Variants in FGF7 observed in about 807,000 individuals in gnomAD.
FGF7 encodes fibroblast growth factor 7, also known as FGF-7.
A neutral mutation model predicts 20.5 loss-of-function variants in FGF7; 6 were observed. The ratio of observed to expected loss-of-function variants is 0.29; its 90% confidence interval spans 0.16 to 0.58. The LOEUF (loss-of-function observed/expected upper bound fraction) is 0.58. Among genes scored for constraint, FGF7 ranks in the 20% least tolerant of loss-of-function variants. FGF7 has a pLI of 0.90. For missense variants in FGF7, 144 were observed against 228.8 expected (o/e 0.63, Z 2.39); for synonymous variants, 64 against 74.7 (o/e 0.86, Z 0.74).
chr15:49,456,341 G>C (rs747380243), intron 2 of FGF7, among the ~76,000 whole-genome samples: 12 of 152,192 alleles, frequency 7.9e-5, no homozygotes, highest in Middle Eastern at 3.4e-3. Context: ...AGAAATAATG[G>C]AAAGGGAAAG....
intron 2 of FGF7, among the ~76,000 whole-genome samples, chr15:49,479,907 C>T (rs1266006019): frequency 2.6e-5 from 4 of 152,174 alleles, no homozygotes; most frequent in African/African-American, 9.7e-5. Context: ...AGCCACTGCG[C>T]TCCGCCCATA....
chr15:49,467,828 T>C (rs768829787), intron 2 of FGF7, among the ~76,000 whole-genome samples: 9 of 152,120 alleles, frequency 5.9e-5, no homozygotes, highest in Non-Finnish European at 1.2e-4. Flanking sequence ...GGTGGGTCCC[T>C]TGCATTCCTG....
intron 2 of FGF7, among the ~76,000 whole-genome samples, chr15:49,440,206 T>C (rs957325525): frequency 6.6e-6 from 1 of 151,836 alleles, no homozygotes; most frequent in African/African-American, 2.4e-5. Flanking sequence ...GTAAACAATA[T>C]GCATTATTAC....
chr15:49,463,657 T>G (rs943622182), intron 2 of FGF7, among the ~76,000 whole-genome samples: 2 of 152,156 alleles, frequency 1.3e-5, no homozygotes, highest in Non-Finnish European at 2.9e-5. Flanking sequence ...TGTGTATAAG[T>G]TGCAAGCACA....
chr15:49,457,704 T>C (rs2053437575), intron 2 of FGF7, among the ~76,000 whole-genome samples: 1 of 151,888 alleles, frequency 6.6e-6, no homozygotes, highest in South Asian at 2.1e-4. Context: ...CCAATGTCTA[T>C]TACTTCAGTA....
At chr15:49,434,346 C>T (rs1007932048) in intron 2 of FGF7, 1 of 151,118 alleles carries the variant, frequency 6.6e-6, no homozygotes, top group African/African-American at 2.4e-5. Context: ...ACTAAGAATG[C>T]AATAGTAAGC....
chr15:49,430,498 G>A (rs572157433), intron 2 of FGF7, among the ~76,000 whole-genome samples: 1 of 151,924 alleles, frequency 6.6e-6, no homozygotes, highest in East Asian at 2.0e-4. Flanking sequence ...CTAGAGGGTT[G>A]GCTTAGTCTG....
intron 3 of FGF7, among the ~76,000 whole-genome samples, chr15:49,483,613 A>G (rs868843793): frequency 4.6e-5 from 7 of 152,058 alleles, no homozygotes; most frequent in Non-Finnish European, 7.4e-5. Context: ...CATTGCTGAC[A>G]TGAAAATTCT....
At chr15:49,462,698 CTCAT>C (rs2053913352) in intron 2 of FGF7, among the ~76,000 whole-genome samples, 1 of 152,160 alleles carries the variant, frequency 6.6e-6, no homozygotes. Flanking sequence ...TCCTCTTTCT[CTCAT>C]TCAATTTATT....
At position 49,451,565 on chromosome 15, in the gene FGF7, C is replaced by A. The variant is rs75805553; in HGVS notation, c.286+26982C>A. On this transcript the variant is annotated intron_variant, in intron 2 of 3. Coordinates refer to ENST00000267843, the MANE Select transcript of FGF7 (RefSeq NM_002009.4). ...TTAGTATTTATATTTTTTTCTAAAT[C>A]TTCTTAGAATTCCTCTTCAATTCAC... 1.1e-3 allele frequency among the ~76,000 whole-genome samples: 161 copies of A among 152,008 alleles called. 1 individual carries two copies. Among genetic ancestry groups the A allele is most frequent in the Admixed American group, 2.7e-3 (41 of 15,250 alleles).
At chr15:49,432,869 T>A (rs749878731) in intron 2 of FGF7, among the ~76,000 whole-genome samples, 1 of 151,644 alleles carries the variant, frequency 6.6e-6, no homozygotes, top group Non-Finnish European at 1.5e-5. Flanking sequence ...CAAGAAATGA[T>A]GCCCAACAGC....
chr15:49,447,740 G>T (rs1224470533), intron 2 of FGF7, among the ~76,000 whole-genome samples: 2 of 151,602 alleles, frequency 1.3e-5, no homozygotes, highest in African/African-American at 2.4e-5. Context: ...TTTTTATGTG[G>T]AATGACTTTG....
intron 2 of FGF7, among the ~76,000 whole-genome samples, chr15:49,475,716 G>A (rs768956962): frequency 2.0e-5 from 3 of 152,074 alleles, no homozygotes; most frequent in Non-Finnish European, 2.9e-5. Flanking sequence ...GGGCGGGCAC[G>A]GTGGCTTATA....
At chr15:49,435,712 T>C (rs2051041473) in intron 2 of FGF7, among the ~76,000 whole-genome samples, 1 of 151,542 alleles carries the variant, frequency 6.6e-6, no homozygotes. Flanking sequence ...AGCATAAATC[T>C]ATATCATAGT....
intron 2 of FGF7, among the ~76,000 whole-genome samples, chr15:49,438,626 G>A (rs938328000): frequency 6.6e-6 from 1 of 151,658 alleles, no homozygotes; most frequent in African/African-American, 2.4e-5. Context: ...CGAGGACAAG[G>A]AAATAATACT....
intron 2 of FGF7, among the ~76,000 whole-genome samples, chr15:49,433,969 G>A (rs1169038099): frequency 6.6e-6 from 1 of 151,758 alleles, no homozygotes; most frequent in African/African-American, 2.4e-5. Context: ...TGGGGCAGGG[G>A]TCTGCCTACT....
At chr15:49,457,463 G>A (rs2053414589) in intron 2 of FGF7, among the ~76,000 whole-genome samples, 1 of 151,870 alleles carries the variant, frequency 6.6e-6, no homozygotes, top group African/African-American at 2.4e-5. Flanking sequence ...AAATCAAGAG[G>A]ACTGAACTTT....
chr15:49,446,807 G>A (rs890020526), intron 2 of FGF7, among the ~76,000 whole-genome samples: 2 of 151,438 alleles, frequency 1.3e-5, no homozygotes, highest in Non-Finnish European at 3.0e-5. Flanking sequence ...AAATGGGAGA[G>A]ACAGAATTAA....
chr15:49,441,705 T>C (rs1169967976), intron 2 of FGF7, among the ~76,000 whole-genome samples: 1 of 151,754 alleles, frequency 6.6e-6, no homozygotes, highest in Non-Finnish European at 1.5e-5. Flanking sequence ...ATGATTATAA[T>C]ACTATTTTAT....
Sources: gnomAD v4.1 joint callset for allele counts (sites outside exome capture counted in the v4.1 genomes callset) on GRCh38, gnomAD v4.1.1 for gene constraint, MANE v1.5 for transcripts, NCBI Gene and HGNC (gene_info 2026-07-23, HGNC 2026-07-21) for gene names.